C1QTNF9B: variants seen among roughly 807,000 people sequenced by gnomAD.
C1QTNF9B encodes C1q and TNF related 9B, also known as complement C1q and tumor necrosis factor-related protein 9B.
A neutral mutation model predicts 10.1 loss-of-function variants in C1QTNF9B; 9 were observed. The ratio of observed to expected loss-of-function variants is 0.89; its 90% CI spans 0.53 to 1.55. The LOEUF (loss-of-function observed/expected upper bound fraction) is 1.55. Ranked by LOEUF, C1QTNF9B falls within the 40% of genes most tolerant of loss-of-function variation. The pLI is 0.00. For missense variants in C1QTNF9B, 196 were observed against 414.4 expected (o/e 0.47, Z 4.58); for synonymous variants, 79 against 159.9 (o/e 0.49, Z 3.82).
chr13:23,895,512 A>G (rs982706522), intron 1 of C1QTNF9B, among the ~76,000 whole-genome samples: 4 of 152,218 alleles, frequency 2.6e-5, no homozygotes, highest in African/African-American at 9.6e-5. Flanking sequence ...CATAGAAAAA[A>G]TAGATATAAC....
exon 3 of C1QTNF9B, chr13:23,891,262 T>G: frequency 6.8e-7 from 1 of 1,476,074 alleles, no homozygotes; most frequent in Non-Finnish European, 9.1e-7. Flanking sequence ...TGATGGATGG[T>G]CTGGCAGATT....
rs1593222858 is a variant in C1QTNF9B, at chr13:23,896,814, T to C, written c.166+7A>G. The C allele has an allele frequency of 6.2e-7, 1 of 1,612,460 alleles. No homozygotes were observed. Among genetic ancestry groups the C allele is most frequent in the Non-Finnish European group, 8.5e-7 (1 of 1,179,056 alleles). On this transcript the variant is annotated splice_region_variant and intron_variant, in intron 1 of 2. Transcript: ENST00000382137. ...CTCAAAGGCAGCCGAAGCCGTCAGG[T>C]GAGTACCTGCATCGCCTTTGTCACC...
chr13:23,894,895 T>C (rs139072184), intron 1 of C1QTNF9B, among the ~76,000 whole-genome samples: 17,869 of 152,122 alleles, frequency 0.12, 1,123 homozygotes, highest in Non-Finnish European at 0.14. Flanking sequence ...AGAGTGCTCA[T>C]TGGGCCACAG....
At chr13:23,893,447 C>A (rs1872087717) in intron 2 of C1QTNF9B, among the ~76,000 whole-genome samples, 1 of 152,158 alleles carries the variant, frequency 6.6e-6, no homozygotes, top group Non-Finnish European at 1.5e-5. Context: ...GCAAGCAAAA[C>A]AAACATGGTT....
At chr13:23,893,283 C>T (rs369360312) in intron 2 of C1QTNF9B, among the ~76,000 whole-genome samples, 7 of 152,262 alleles carry the variant, frequency 4.6e-5, no homozygotes, top group African/African-American at 1.7e-4. Context: ...GACTACATCC[C>T]AACCCATCAG....
chr13:23,893,459 A>G (rs1304703347), intron 2 of C1QTNF9B, among the ~76,000 whole-genome samples: 1 of 152,092 alleles, frequency 6.6e-6, no homozygotes, highest in Non-Finnish European at 1.5e-5. Context: ...AACATGGTTG[A>G]CATTTTTTTT....
chr13:23,894,474 C>T lies in C1QTNF9B; in HGVS notation c.167-273G>A, dbSNP rs7995884. ...GCCTAGAGCGCACAGCAAGACAGGACGAAGAGGGAGTGTGTGCAATGGGGA... is the reference window on the plus strand; with the variant it reads ...GCCTAGAGCGCACAGCAAGACAGGATGAAGAGGGAGTGTGTGCAATGGGGA... On this transcript the variant is annotated intron_variant, in intron 1 of 2. Transcript: ENST00000382137. 5.4e-3 allele frequency: 3,401 copies of T among 627,250 alleles called. 22 individuals are homozygous for T. The highest frequency in any genetic ancestry group is 8.2e-3 in the Non-Finnish European group (2,746 of 336,794). The allele number at this position is 627,250 out of a possible 1,614,324, so 38.9% of individuals were successfully genotyped here.
At chr13:23,897,070 C>T (rs1330238619), upstream of C1QTNF9B, 2 of 1,576,740 alleles carry the variant, frequency 1.3e-6, no homozygotes, top group Non-Finnish European at 1.7e-6. Context: ...GACACAGCCT[C>T]CGTTCTGTGC....
In C1QTNF9B at chr13:23,894,085, T is replaced by C. The variant is rs151119406; in HGVS notation, c.229+54A>G. 5.2e-4 allele frequency: 705 copies of C among 1,350,140 alleles called. 5 individuals are homozygous for C. The African/African-American group carries it at 8.7e-3, about 17-fold the overall frequency. The allele number at this position is 1,350,140 out of a possible 1,614,324, so 83.6% of individuals were successfully genotyped here. ...CATGGAGGACTTGTCCATGGTAATA[T>C]TGTTAAATAGTCGACAGCTCAGAAT... On this transcript the variant is annotated intron_variant, in intron 2 of 2. Coordinates refer to ENST00000382137, the Ensembl canonical transcript of C1QTNF9B.
At chr13:23,893,679 A>G (rs975964227) in intron 2 of C1QTNF9B, among the ~76,000 whole-genome samples, 2 of 152,146 alleles carry the variant, frequency 1.3e-5, no homozygotes, top group Admixed American at 6.5e-5. Context: ...TATGTTGCCC[A>G]GGGTGGTCTG....
At chr13:23,892,530 T>C (rs1048359616) in intron 2 of C1QTNF9B, among the ~76,000 whole-genome samples, 3 of 151,996 alleles carry the variant, frequency 2.0e-5, no homozygotes, top group Admixed American at 6.6e-5. Flanking sequence ...TGGCACACAA[T>C]TGTAGTCCCA....
chr13:23,891,183 T>C, exon 3 of C1QTNF9B: 1 of 1,122,148 alleles, frequency 8.9e-7, no homozygotes, highest in Middle Eastern at 2.1e-4. Context: ...CACCTTTTTA[T>C]GATTATTGTA....
At chr13:23,896,289 C>G (rs781335564) in intron 1 of C1QTNF9B, among the ~76,000 whole-genome samples, 1 of 152,196 alleles carries the variant, frequency 6.6e-6, no homozygotes. Flanking sequence ...TGGATTCTGT[C>G]CCCAGATCCC....
intron 1 of C1QTNF9B, 186 bp from the exon 4 acceptor site, chr13:23,894,387 C>A (rs184692027): frequency 3.1e-6 from 2 of 636,806 alleles, no homozygotes; most frequent in Non-Finnish European, 5.8e-6. Flanking sequence ...TGCTGAGCTG[C>A]GTGGGATAAG....
At chr13:23,891,439 C>T in exon 3 of C1QTNF9B, 4 of 1,582,102 alleles carry the variant, frequency 2.5e-6, no homozygotes, top group Non-Finnish European at 3.5e-6. Flanking sequence ...AGGCCTGGTC[C>T]TCAGAGCTCA....
In C1QTNF9B at chr13:23,894,189, C is replaced by T. The variant is rs375375921; in HGVS notation, c.179G>A (p.Cys60Tyr). 51 of 1,504,144 alleles carry T rather than the reference C, an allele frequency of 3.4e-5. 1 individual carries two copies. The highest frequency in any genetic ancestry group is 4.6e-5 in the Non-Finnish European group (50 of 1,086,596). 93.2% of individuals were successfully genotyped at this position (1,504,144 alleles called of 1,614,324 possible). A position where few individuals can be genotyped will look rare whatever the true frequency, so the allele number is the denominator to read the frequency against. Residue 60 changes from cysteine (C) to tyrosine (Y), a missense_variant, in exon 2 of 3, where the codon TGT (cysteine) becomes TAT (tyrosine). Coordinates refer to ENST00000382137, the Ensembl canonical transcript of C1QTNF9B. Reference sequence around the variant, plus strand: ...CCCATCCTTCCCCGGGCTGCCAGGACATCCTGGTTCTCCTAGGTGGAAAAG... The same window carrying T: ...CCCATCCTTCCCCGGGCTGCCAGGATATCCTGGTTCTCCTAGGTGGAAAAG...
At chr13:23,896,561 AG>A (rs1303016954) in intron 1 of C1QTNF9B, among the ~76,000 whole-genome samples, 1 of 152,210 alleles carries the variant, frequency 6.6e-6, no homozygotes, top group Non-Finnish European at 1.5e-5. Context: ...GAGAGAACCC[AG>A]GAGGGCAGGG....
At chr13:23,893,057 A>G (rs1445313335) in intron 2 of C1QTNF9B, among the ~76,000 whole-genome samples, 1 of 152,082 alleles carries the variant, frequency 6.6e-6, no homozygotes, top group Non-Finnish European at 1.5e-5. Context: ...CATACCAAAG[A>G]GCCGTCGTTG....
At chr13:23,896,298 C>A (rs1174907480) in intron 1 of C1QTNF9B, among the ~76,000 whole-genome samples, 4 of 152,194 alleles carry the variant, frequency 2.6e-5, no homozygotes, top group Admixed American at 6.5e-5. Context: ...TCCCCAGATC[C>A]CCAGACCCTG....
Sources: allele counts gnomAD v4.1 joint callset (sites outside exome capture counted in the v4.1 genomes callset), GRCh38; gene constraint gnomAD v4.1.1; transcripts MANE v1.5; gene names NCBI Gene and HGNC (gene_info 2026-07-23, HGNC 2026-07-21).